Variants in HAO1 observed in about 807,000 individuals in gnomAD.
HAO1 encodes the protein 2-Hydroxyacid oxidase 1.
Under a neutral mutation model 39.7 loss-of-function variants are expected in HAO1, and 34 were observed. The ratio of observed to expected loss-of-function variants is 0.86; its 90% confidence interval spans 0.65 to 1.14. The LOEUF (loss-of-function observed/expected upper bound fraction) is 1.14. Among genes scored for constraint, HAO1 ranks in the 50% most tolerant of loss-of-function variants. The pLI is 0.00. For synonymous variants in HAO1, 172 were observed against 173.2 expected (o/e 0.99, Z 0.05); for missense variants, 479 against 464.5 (o/e 1.03, Z -0.29).
rs75816968 is a variant in HAO1, at chr20:7,917,527, G to A, written c.290-3108C>T. Among the ~76,000 whole-genome samples, 856 of 152,046 alleles carry A rather than the reference G, an allele frequency of 5.6e-3. 7 individuals carry two copies. Among genetic ancestry groups the A allele is most frequent in the Non-Finnish European group, 8.1e-3 (550 of 67,994 alleles). On this transcript the variant is annotated intron_variant, in intron 2 of 7. Transcript: ENST00000378789. ...TAAATGTACTCCCTCAATATTTCAG[G>A]GCAGTGACATCCAAGAGAGTAGGTT...
chr20:7,932,374 T>A (rs990500034), intron 2 of HAO1, among the ~76,000 whole-genome samples: 1 of 152,236 alleles, frequency 6.6e-6, no homozygotes, highest in Non-Finnish European at 1.5e-5. Flanking sequence ...CTCTGCTTTT[T>A]GCTTTCTCTG....
chr20:7,884,948 G>A (rs1363237728), intron 7 of HAO1, among the ~76,000 whole-genome samples: 1 of 152,142 alleles, frequency 6.6e-6, no homozygotes, highest in Non-Finnish European at 1.5e-5. Context: ...GACAATGATG[G>A]CTCCAGCCAG....
At chr20:7,937,384 C>A (rs959393077) in intron 1 of HAO1, among the ~76,000 whole-genome samples, 13 of 151,796 alleles carry the variant, frequency 8.6e-5, no homozygotes, top group African/African-American at 2.9e-4. Flanking sequence ...ATATATAAAG[C>A]AAAAACACCT....
intron 2 of HAO1, among the ~76,000 whole-genome samples, chr20:7,930,713 C>T (rs1232241866): frequency 6.6e-6 from 1 of 152,122 alleles, no homozygotes; most frequent in African/African-American, 2.4e-5. Context: ...GTTACCTGAG[C>T]AAAGAGAGCT....
rs375246951 is a variant in HAO1, at chr20:7,894,904, C to T, written c.813+229G>A. Among the ~76,000 whole-genome samples the T allele has an allele frequency of 4.0e-3, 603 of 152,268 alleles. 2 individuals carry two copies. The highest frequency in any genetic ancestry group is 0.013 in the African/African-American group (560 of 41,546). ...CAAATGACTTATTATTTAACAGAGA[C>T]TTTCATAGGTTACAAATAAATGCAC... On this transcript the variant is annotated intron_variant, in intron 5 of 7. Transcript: ENST00000378789.
intron 2 of HAO1, among the ~76,000 whole-genome samples, chr20:7,919,462 G>A (rs1274473556): frequency 1.3e-5 from 2 of 152,114 alleles, no homozygotes; most frequent in Non-Finnish European, 2.9e-5. Flanking sequence ...CACTAAAAGG[G>A]ACACTGGCCA....
At position 7,883,375 on chromosome 20, in the gene HAO1, C is replaced by T; in HGVS notation, c.*218G>A. On this transcript the variant is annotated 3_prime_UTR_variant, in exon 8 of 8. Transcript: ENST00000378789. ...TTCTTTTTAACAGTTAATATATTTCCAGGATGAAAGTCCATTTCTTTCTAA... is the reference window on the plus strand; with the variant it reads ...TTCTTTTTAACAGTTAATATATTTCTAGGATGAAAGTCCATTTCTTTCTAA... 1 of 539,004 alleles carries T rather than the reference C, an allele frequency of 1.9e-6. No individual in the cohort carries two copies. 33.4% of individuals were successfully genotyped at this position (539,004 alleles called of 1,614,324 possible).
chr20:7,935,359 A>C (rs2050405454), intron 1 of HAO1, among the ~76,000 whole-genome samples: 1 of 152,168 alleles, frequency 6.6e-6, no homozygotes, highest in Non-Finnish European at 1.5e-5. Flanking sequence ...TTTTCGTTTC[A>C]CTTCCCCAAT....
chr20:7,914,374 G>T lies in HAO1; in HGVS notation c.335C>A (p.Thr112Asn), dbSNP rs377526496. The T allele has an allele frequency of 6.7e-5, 108 of 1,613,918 alleles. No homozygotes were observed. In the Middle Eastern group the frequency reaches 1.3e-3, roughly 20 times the overall value. Reference protein sequence around the residue: ...GTGMMLSSWATSSIEEVAEAG... With the variant: ...GTGMMLSSWANSSIEEVAEAG... ...TTCCGCCACTTCTTCAATTGAGGAGGTGGCCCAGGAACTCAACATCATGCC... is the reference window on the plus strand; with the variant it reads ...TTCCGCCACTTCTTCAATTGAGGAGTTGGCCCAGGAACTCAACATCATGCC... Residue 112 changes from threonine to asparagine, a missense_variant, in exon 3 of 8, where the codon ACC (threonine) becomes AAC (asparagine). Coordinates refer to ENST00000378789, the MANE Select transcript of HAO1 (RefSeq NM_017545.3).
chr20:7,909,381 A>ATATATATATATATG (rs1555774033), intron 3 of HAO1, among the ~76,000 whole-genome samples: 789 of 72,466 alleles, frequency 0.011, 2 homozygotes, highest in East Asian at 0.022. Context: ...ATATATATGT[A>ATATATATATATATG]TATATATATA....
At chr20:7,918,355 G>A (rs1176645771) in intron 2 of HAO1, among the ~76,000 whole-genome samples, 4 of 152,196 alleles carry the variant, frequency 2.6e-5, no homozygotes, top group Non-Finnish European at 4.4e-5. Context: ...ACCATTCAGA[G>A]AGGCAATAAA....
intron 1 of HAO1, among the ~76,000 whole-genome samples, chr20:7,939,699 T>C (rs537905864): frequency 2.0e-5 from 3 of 152,316 alleles, no homozygotes; most frequent in African/African-American, 7.2e-5. Flanking sequence ...ATCTTGTGCT[T>C]TGAAATATGA....
intron 3 of HAO1, among the ~76,000 whole-genome samples, chr20:7,910,625 T>A (rs1267073656): frequency 6.6e-6 from 1 of 152,114 alleles, no homozygotes; most frequent in Non-Finnish European, 1.5e-5. Context: ...CACTCTTGCT[T>A]CCCTCTTATA....
intron 4 of HAO1, among the ~76,000 whole-genome samples, chr20:7,904,544 C>A (rs1223678989): frequency 6.6e-6 from 1 of 152,146 alleles, no homozygotes; most frequent in Non-Finnish European, 1.5e-5. Flanking sequence ...ACTCAAGCAT[C>A]ATCTTTCATT....
At chr20:7,934,760 T>C (rs1600123103) in intron 1 of HAO1, 125 bp from the exon 2 acceptor site, 2 of 579,418 alleles carry the variant, frequency 3.5e-6, no homozygotes, top group African/African-American at 1.9e-5. Flanking sequence ...AGCAAATGAC[T>C]TCATAAAGCT....
intron 4 of HAO1, among the ~76,000 whole-genome samples, chr20:7,895,994 C>G (rs546793338): frequency 2.3e-4 from 35 of 152,168 alleles, no homozygotes; most frequent in Non-Finnish European, 3.7e-4. Context: ...ATCGTTTGAA[C>G]CTGGGAGGCA....
intron 2 of HAO1, among the ~76,000 whole-genome samples, chr20:7,922,123 A>G (rs915745260): frequency 7.9e-5 from 12 of 152,110 alleles, no homozygotes; most frequent in African/African-American, 2.4e-5. Context: ...TGAAAAAAGA[A>G]AAAAAATTGG....
At chr20:7,930,907 C>G (rs2050382730) in intron 2 of HAO1, among the ~76,000 whole-genome samples, 1 of 152,146 alleles carries the variant, frequency 6.6e-6, no homozygotes. Flanking sequence ...ACCATCTACT[C>G]CAGCCATTCA....
Position 7,883,613 on chromosome 20 carries a change from A to G in HAO1, c.1093T>C (p.Leu365=), listed in dbSNP as rs1405326169. The G allele has an allele frequency of 3.1e-6, 5 of 1,613,092 alleles. No individual in the cohort carries two copies. Among genetic ancestry groups the G allele is most frequent in the Non-Finnish European group, 4.2e-6 (5 of 1,179,230 alleles). The part of the protein sequence containing the change: ...IDKTLVRKNP[L]AVSKI The stretch of plus-strand genomic sequence containing the variant: ...CACTGTCAGATCTTGGAAACGGCCA[A>G]AGGATTTTTCCTCACCAATGTCTTG... Residue 365 remains leucine (L), a synonymous_variant, in exon 8 of 8, where the codon TTG becomes CTG. Transcript: ENST00000378789.
Sources: allele counts gnomAD v4.1 joint callset (sites outside exome capture counted in the v4.1 genomes callset), GRCh38; gene constraint gnomAD v4.1.1; transcripts MANE v1.5; gene names NCBI Gene and HGNC (gene_info 2026-07-23, HGNC 2026-07-21).